Variants in CTSH observed in about 807,000 individuals in gnomAD.
CTSH encodes cathepsin H.
A neutral mutation model predicts 56.3 loss-of-function variants in CTSH; 52 were observed. That is an observed-to-expected ratio of 0.92 (90% CI 0.74 to 1.16). CTSH has a LOEUF of 1.16. CTSH is among the 50% of genes most tolerant of loss of function. The probability of loss-of-function intolerance (pLI) is 0.00; values close to 1 mark genes in which losing one functional copy is unlikely to be tolerated. For missense variants in CTSH, 406 were observed against 424.5 expected (o/e 0.96, Z 0.38); for synonymous variants, 174 against 155.7 (o/e 1.12, Z -0.88).
chr15:78,932,599 T>A, intron 5 of CTSH, 141 bp from the exon 6 acceptor site: 1 of 633,294 alleles, frequency 1.6e-6, no homozygotes, highest in African/African-American at 1.8e-5. Flanking sequence ...CTGTTCCAGA[T>A]CCATTCATTC....
intron 6 of CTSH, 179 bp from the exon 7 acceptor site, chr15:78,931,685 C>G (rs2055064449): frequency 6.8e-7 from 1 of 1,466,734 alleles, no homozygotes; most frequent in African/African-American, 1.4e-5. Context: ...CAGTGCCAGC[C>G]CAGCAGCTGG....
In CTSH at chr15:78,932,502, G is replaced by A. The variant is rs781759121; in HGVS notation, c.406-44C>T. On this transcript the variant is annotated intron_variant, in intron 5 of 11. Transcript: ENST00000220166. ...AGCAGAGGACATCAGTGATGGGGAC[G>A]CCGTGAGACAGCCCTGCCTTCTGCC... is the stretch of plus-strand genomic sequence containing the variant. The A allele has an allele frequency of 6.1e-6, 9 of 1,465,810 alleles. No homozygotes were observed. In the East Asian group the frequency reaches 1.1e-4, roughly 18 times the overall value. The allele number at this position is 1,465,810 out of a possible 1,614,324, so 90.8% of individuals were successfully genotyped here. A position where few individuals can be genotyped will look rare whatever the true frequency, so the allele number is the denominator to read the frequency against.
At chr15:78,939,211 A>G in intron 1 of CTSH, 40 bp from the exon 2 acceptor site, 2 of 1,525,678 alleles carry the variant, frequency 1.3e-6, no homozygotes. Flanking sequence ...GGCGCATCAC[A>G]GTAATGTTGA....
At chr15:78,930,396 G>A (rs141304835) in intron 7 of CTSH, among the ~76,000 whole-genome samples, 1,998 of 152,100 alleles carry the variant, frequency 0.013, 55 homozygotes, top group African/African-American at 0.046. Context: ...GTGTGGTGGC[G>A]CACGCCTGTA....
chr15:78,938,427 C>T (rs1049523387), intron 2 of CTSH, among the ~76,000 whole-genome samples: 1 of 152,180 alleles, frequency 6.6e-6, no homozygotes, highest in Non-Finnish European at 1.5e-5. Context: ...TGCTTCCCTG[C>T]CCTTCCTAGC....
rs1469918312 is a variant in CTSH, at chr15:78,929,434, T to G, written c.608A>C (p.Asp203Ala). The change falls in exon 8 of 12, where the codon GAC becomes GCC. Residue 203 changes from aspartate to alanine, a missense_variant. Coordinates refer to ENST00000220166, the MANE Select transcript of CTSH (RefSeq NM_004390.5). ...TACCTTGCCCTGGTAGGGGTAGGTG[T>G]CTTCACCCATGATCCCCTTGTTGTA... Reference protein sequence around the residue: ...ILYNKGIMGEDTYPYQGKDGY... With the variant: ...ILYNKGIMGEATYPYQGKDGY... 6.2e-7 allele frequency: 1 copy of G among 1,612,278 alleles called. No individual in the cohort carries two copies. Among genetic ancestry groups the G allele is most frequent in the Non-Finnish European group, 8.5e-7 (1 of 1,179,084 alleles).
At chr15:78,932,122 G>T in intron 6 of CTSH, 1 of 1,224,544 alleles carries the variant, frequency 8.2e-7, no homozygotes. Flanking sequence ...AAGGCTCCAG[G>T]CTGTCAAGCT....
At chr15:78,931,978 T>G in intron 6 of CTSH, 1 of 1,151,058 alleles carries the variant, frequency 8.7e-7, no homozygotes. Context: ...ATCATCCGTC[T>G]CTTGTGGGCG....
rs1184261358 is a variant in CTSH at position 78,929,395 on chromosome 15, G to A, written c.630+17C>T. On this transcript the variant is annotated intron_variant, in intron 8 of 11. Transcript: ENST00000220166. ...TGCTGTACGCCAAGAAGACAGAGTG[G>A]AGGCTGTTGGAGTTACCTTGCCCTG... 1 of 1,600,148 alleles carries A rather than the reference G, an allele frequency of 6.2e-7. No individual in the cohort carries two copies. The highest frequency in any genetic ancestry group is 8.6e-7 in the Non-Finnish European group (1 of 1,168,236).
At chr15:78,923,938 C>T (rs1479030563) in intron 10 of CTSH, among the ~76,000 whole-genome samples, 4 of 152,110 alleles carry the variant, frequency 2.6e-5, no homozygotes. Context: ...CGCGCCAGGG[C>T]CAGGTGCCGG....
chr15:78,922,408 G>A (rs537978449), intron 11 of CTSH, among the ~76,000 whole-genome samples: 64 of 152,276 alleles, frequency 4.2e-4, no homozygotes, highest in African/African-American at 1.5e-3. Context: ...CTCCTTAGCT[G>A]CCAAATGAAT....
chr15:78,933,093 C>T (rs983196732), intron 5 of CTSH, among the ~76,000 whole-genome samples: 2 of 152,210 alleles, frequency 1.3e-5, no homozygotes, highest in Non-Finnish European at 2.9e-5. Flanking sequence ...CCGCCCCATC[C>T]ACCCATTTCC....
At chr15:78,930,684 T>C (rs929724659) in intron 7 of CTSH, among the ~76,000 whole-genome samples, 1 of 152,116 alleles carries the variant, frequency 6.6e-6, no homozygotes, top group Admixed American at 6.5e-5. Context: ...CTGAGCATGA[T>C]GGTGGATCTG....
At chr15:78,934,157 T>C (rs1452295855) in intron 5 of CTSH, among the ~76,000 whole-genome samples, 1 of 152,212 alleles carries the variant, frequency 6.6e-6, no homozygotes, top group East Asian at 1.9e-4. Context: ...CATCCAGCAC[T>C]TGGCAGGCTC....
chr15:78,928,852 C>T (rs1304640964), intron 8 of CTSH, among the ~76,000 whole-genome samples: 1 of 152,090 alleles, frequency 6.6e-6, no homozygotes, highest in Non-Finnish European at 1.5e-5. Flanking sequence ...GGGACCGGCC[C>T]AACAGGACTG....
At chr15:78,940,867 G>A (rs1243522005) in intron 1 of CTSH, among the ~76,000 whole-genome samples, 10 of 152,318 alleles carry the variant, frequency 6.6e-5, no homozygotes, top group Non-Finnish European at 1.5e-4. Context: ...GCTGAGGCAG[G>A]AGGATCGCTT....
intron 7 of CTSH, 73 bp from the exon 8 acceptor site, chr15:78,929,566 G>T: frequency 9.6e-7 from 1 of 1,043,832 alleles, no homozygotes; most frequent in Non-Finnish European, 1.4e-6. Context: ...GGACTGGCGT[G>T]GCGAGATATC....
chr15:78,932,363 AT>A lies in CTSH; in HGVS notation c.492+8del, dbSNP rs1364926530. The A allele has an allele frequency of 6.2e-7, 1 of 1,613,418 alleles. No individual in the cohort carries two copies. The highest frequency in any genetic ancestry group is 1.7e-5 in the Admixed American group (1 of 59,990). ...CTCCGCAGGGGGTCGCCTGTGGCTG[AT>A]TTCTTACCAAGGACAGCATCTTTCC... On this transcript the variant is annotated splice_region_variant and intron_variant, in intron 6 of 11. Transcript: ENST00000220166.
intron 10 of CTSH, among the ~76,000 whole-genome samples, chr15:78,923,538 C>T (rs767462507): frequency 6.6e-6 from 1 of 152,230 alleles, no homozygotes; most frequent in Non-Finnish European, 1.5e-5. Flanking sequence ...ATCCACCCAC[C>T]TCGGCCTCCC....
Sources: gnomAD v4.1 joint callset for allele counts (sites outside exome capture counted in the v4.1 genomes callset) on GRCh38, gnomAD v4.1.1 for gene constraint, MANE v1.5 for transcripts, NCBI Gene and HGNC (gene_info 2026-07-23, HGNC 2026-07-21) for gene names.